WDR17: variants seen among roughly 807,000 people sequenced by gnomAD.
WDR17 encodes WD repeat domain 17.
WDR17 carries 143 observed loss-of-function variants against 161.7 expected under a neutral mutation model. The observed-to-expected ratio is 0.88, with a 90% CI of 0.77 to 1.02. The LOEUF is 1.02. Among genes scored for constraint, WDR17 ranks in the 50% least tolerant of loss-of-function variants. WDR17 has a pLI of 0.00. For synonymous variants in WDR17, 517 were observed against 515.6 expected, an observed-to-expected ratio of 1.00 and a Z score of -0.04; for missense variants, 1,469 against 1,520.9, an observed-to-expected ratio of 0.97 and a Z score of 0.57.
intron 18 of WDR17, among the ~76,000 whole-genome samples, chr4:176,156,941 G>C (rs983658465): frequency 1.3e-5 from 2 of 152,048 alleles, no homozygotes; most frequent in Non-Finnish European, 2.9e-5. Flanking sequence ...TCTGTGCCCA[G>C]ATTTCCTCTT....
intron 12 of WDR17, among the ~76,000 whole-genome samples, chr4:176,146,919 T>G (rs1028238908): frequency 6.6e-6 from 1 of 151,618 alleles, no homozygotes; most frequent in Non-Finnish European, 1.5e-5. Flanking sequence ...CAGGCTGGAG[T>G]GCAGTGGCAT....
chr4:176,118,747 G>C (rs1474805072), intron 3 of WDR17, among the ~76,000 whole-genome samples: 1 of 151,764 alleles, frequency 6.6e-6, no homozygotes, highest in East Asian at 1.9e-4. Flanking sequence ...AAAATCATTT[G>C]ATGAAGCTTG....
chr4:176,177,585 T>C lies in WDR17; in HGVS notation c.3663T>C (p.Tyr1221=). 7 of 1,596,668 alleles carry C rather than the reference T, an allele frequency of 4.4e-6. No individual in the cohort carries two copies. Among genetic ancestry groups the C allele is most frequent in the Non-Finnish European group, 5.1e-6 (6 of 1,175,940 alleles). ...TGAAAGGAATTATTGGACCAGATTA[T>C]GTGACTGGATCAAATCTTCCAAGTC... The part of the protein sequence containing the change: ...ESLKGIIGPD[Y]VTGSNLPSHS... Residue 1221 remains tyrosine (Y), a synonymous_variant, in exon 28 of 29, where the codon TAT becomes TAC. Transcript: ENST00000508596.
At chr4:176,142,464 T>A (rs1473577862) in intron 11 of WDR17, among the ~76,000 whole-genome samples, 1 of 152,216 alleles carries the variant, frequency 6.6e-6, no homozygotes, top group African/African-American at 2.4e-5. Context: ...CCCCACCCGA[T>A]GCTAATGCCT....
At chr4:176,093,053 G>A (rs935365866) in intron 1 of WDR17, among the ~76,000 whole-genome samples, 2 of 151,660 alleles carry the variant, frequency 1.3e-5, no homozygotes, top group African/African-American at 4.8e-5. Context: ...AAATAAAAAA[G>A]AAAGAAAAGA....
chr4:176,069,531 A>T lies in WDR17; in HGVS notation c.-7+3452A>T, dbSNP rs569101032. Among the ~76,000 whole-genome samples the T allele has an allele frequency of 1.2e-4, 18 of 152,324 alleles. No individual in the cohort carries two copies. The South Asian group carries it at 3.7e-3, about 32-fold the overall frequency. On this transcript the variant is annotated intron_variant, in intron 1 of 28. Transcript: ENST00000508596. ...ATTTCCATGTGTCAGTGAAGATGTT[A>T]TAACAGTCAATACTTGTTTTGTACA...
At position 176,115,805 on chromosome 4, in the gene WDR17, C is replaced by T. The variant is rs201837131; in HGVS notation, c.133C>T (p.Arg45Cys). The T allele has an allele frequency of 1.4e-5, 23 of 1,596,410 alleles. No homozygotes were observed. The highest frequency in any genetic ancestry group is 2.0e-5 in the Non-Finnish European group (23 of 1,171,810). Residue 45 changes from arginine (R) to cysteine (C), a missense_variant, in exon 3 of 29, where the codon CGT becomes TGT. Physicochemically the swap from Arg to Cys is radical, Grantham distance 180 (BLOSUM62 -3). Transcript: ENST00000508596. ...ATATATTTTGTTTTAGTTGGATCAC[C>T]GTTATAATGAATTCAAACTTCACGC... The part of the protein sequence containing the change: ...LAIYIYQLDH[R>C]YNEFKLHAIM...
At chr4:176,077,218 G>A (rs866157756) in intron 1 of WDR17, among the ~76,000 whole-genome samples, 19 of 149,620 alleles carry the variant, frequency 1.3e-4, no homozygotes, top group African/African-American at 3.5e-4. Context: ...ATATAAGGGC[G>A]GGGGTCATGG....
intron 6 of WDR17, among the ~76,000 whole-genome samples, chr4:176,130,389 T>A (rs1184835916): frequency 6.6e-6 from 1 of 152,212 alleles, no homozygotes; most frequent in Non-Finnish European, 1.5e-5. Flanking sequence ...ATTCTCAGAT[T>A]CTGAGAAATG....
chr4:176,084,124 T>C (rs1397824760), intron 1 of WDR17, among the ~76,000 whole-genome samples: 7 of 152,136 alleles, frequency 4.6e-5, no homozygotes, highest in Admixed American at 4.6e-4. Flanking sequence ...AATGTCTTGA[T>C]GAATGCAAGT....
chr4:176,163,413 G>T (rs568791980), intron 22 of WDR17, 120 bp downstream of exon 22: 66 of 1,133,732 alleles, frequency 5.8e-5, no homozygotes, highest in Non-Finnish European at 7.6e-5. Context: ...GTTTATAAAG[G>T]ATAAGATTGT....
chr4:176,129,419 A>G (rs907464851), intron 6 of WDR17, among the ~76,000 whole-genome samples: 2 of 152,120 alleles, frequency 1.3e-5, no homozygotes, highest in African/African-American at 2.4e-5. Context: ...AAGAAAAAAT[A>G]AAATACACTT....
intron 26 of WDR17, 131 bp from the exon 27 acceptor site, chr4:176,176,921 CTATATG>C (rs1751531649): frequency 1.7e-6 from 1 of 586,362 alleles, no homozygotes; most frequent in African/African-American, 1.9e-5. Context: ...AGAAAATATT[CTATATG>C]TATATTATAT....
intron 1 of WDR17, among the ~76,000 whole-genome samples, chr4:176,093,141 A>G (rs901326235): frequency 6.6e-6 from 1 of 152,210 alleles, no homozygotes; most frequent in East Asian, 1.9e-4. Context: ...TAACCAAAGA[A>G]GTGAAAGAGT....
At chr4:176,135,820 T>C (rs769017791) in intron 8 of WDR17, among the ~76,000 whole-genome samples, 4 of 151,614 alleles carry the variant, frequency 2.6e-5, no homozygotes, top group Non-Finnish European at 5.9e-5. Flanking sequence ...CAAAACATTA[T>C]TTCCCCATAA....
At chr4:176,145,346 A>C (rs1745994896) in intron 11 of WDR17, among the ~76,000 whole-genome samples, 1 of 152,226 alleles carries the variant, frequency 6.6e-6, no homozygotes, top group African/African-American at 2.4e-5. Flanking sequence ...ATACTGAGCA[A>C]AGAACATTAA....
At chr4:176,156,969 A>G (rs973802788) in intron 18 of WDR17, among the ~76,000 whole-genome samples, 2 of 152,126 alleles carry the variant, frequency 1.3e-5, no homozygotes, top group Non-Finnish European at 2.9e-5. Context: ...GTCATGAGTC[A>G]TATTGGATTG....
intron 22 of WDR17, among the ~76,000 whole-genome samples, chr4:176,167,649 A>AAAAAAAAC (rs1750021928): frequency 1.0e-5 from 1 of 98,732 alleles, no homozygotes. Flanking sequence ...CGTCTCAAAA[A>AAAAAAAAC]AAAAAAAAAA....
In WDR17 at chr4:176,149,897, C is replaced by T. The variant is rs766631214; in HGVS notation, c.1988C>T (p.Thr663Ile). 5.6e-6 allele frequency: 9 copies of T among 1,613,878 alleles called. No individual in the cohort carries two copies. The highest frequency in any genetic ancestry group is 1.3e-5 in the African/African-American group (1 of 74,906). The change falls in exon 14 of 29, where the codon ACT (threonine) becomes ATT (isoleucine). Residue 663 changes from threonine (T) to isoleucine (I), a missense_variant. By Grantham distance (89) the Thr-to-Ile change is moderately conservative (BLOSUM62 -1). Coordinates refer to ENST00000508596, the MANE Select transcript of WDR17 (RefSeq NM_181265.4). ...CTCTGGTCATTAACAGCCTTAGTCA[C>T]TCCTGTACAAATAAATATTCTGGCA... ...VRLWSLTALV[T>I]PVQINILADR...
Sources: gnomAD v4.1 joint callset for allele counts (sites outside exome capture counted in the v4.1 genomes callset) on GRCh38, gnomAD v4.1.1 for gene constraint, MANE v1.5 for transcripts, NCBI Gene and HGNC (gene_info 2026-07-23, HGNC 2026-07-21) for gene names.